SLC8A2: variants seen among roughly 807,000 people sequenced by gnomAD.
SLC8A2 encodes the protein solute carrier family 8 member A2, also known as sodium/calcium exchanger 2.
In SLC8A2, 14 loss-of-function variants were observed where a neutral mutation model predicts 70.2. That is an observed-to-expected ratio of 0.20 (90% confidence interval 0.13 to 0.31). The LOEUF (loss-of-function observed/expected upper bound fraction) is 0.31, where lower values mean the gene tolerates loss of function less well. Among genes scored for constraint, SLC8A2 ranks in the 10% least tolerant of loss-of-function variants. The pLI is 1.00. For missense variants in SLC8A2, 779 were observed against 1,320.1 expected (o/e 0.59, Z 6.35); for synonymous variants, 575 against 594.3 (o/e 0.97, Z 0.47).
At position 47,448,075 on chromosome 19, in the gene SLC8A2, G is replaced by A. The variant is rs757779635; in HGVS notation, c.1497C>T (p.Gly499=). Residue 499 remains glycine, a synonymous_variant, in exon 4 of 10, where the codon GGC becomes GGT. Transcript: ENST00000236877. This position sits in a 1 kb window ranked among gnomAD's most constrained non-coding sequence, Gnocchi z 4.8. ...DAQGMFEPDG[G]GRPKGRLVAP... ...CCACCAGCCGCCCCTTGGGCCGCCCGCCGCCGTCCGGCTCGAACATGCCCT... is the reference window on the plus strand; with the variant it reads ...CCACCAGCCGCCCCTTGGGCCGCCCACCGCCGTCCGGCTCGAACATGCCCT... 2.3e-5 allele frequency: 36 copies of A among 1,593,694 alleles called. No homozygotes were observed. Among genetic ancestry groups the A allele is most frequent in the Non-Finnish European group, 2.8e-5 (33 of 1,169,944 alleles).
At chr19:47,452,447 T>A (rs146530357) in intron 3 of SLC8A2, among the ~76,000 whole-genome samples, 838 of 55,788 alleles carry the variant, frequency 0.015, no homozygotes, top group East Asian at 0.042. Flanking sequence ...AGAGAGAGAG[T>A]GTGTGTGTGT....
chr19:47,445,594 C>T (rs1226317817), intron 4 of SLC8A2, among the ~76,000 whole-genome samples: 2 of 152,176 alleles, frequency 1.3e-5, no homozygotes, highest in African/African-American at 4.8e-5. Context: ...TGCTTCAAAG[C>T]GCCTCTAATT....
chr19:47,439,162 A>G (rs920293676), intron 6 of SLC8A2, among the ~76,000 whole-genome samples: 2 of 152,202 alleles, frequency 1.3e-5, no homozygotes, highest in Non-Finnish European at 2.9e-5. Flanking sequence ...TCCCTGGCAC[A>G]GTGGAGTCAC....
chr19:47,443,909 T>C (rs1160358226), intron 4 of SLC8A2, among the ~76,000 whole-genome samples: 1 of 152,142 alleles, frequency 6.6e-6, no homozygotes, highest in Non-Finnish European at 1.5e-5. Flanking sequence ...GCTCTCCCTT[T>C]TTTTGAAACA....
Position 47,456,925 on chromosome 19 carries a change from C to A in SLC8A2, c.1340+5G>T. The A allele has an allele frequency of 6.3e-7, 1 of 1,590,874 alleles. No homozygotes were observed. Among genetic ancestry groups the A allele is most frequent in the Non-Finnish European group, 8.6e-7 (1 of 1,168,766 alleles). ...CCTGCACACCCCCCACCCCGGGGGA[C>A]CCACCTGTACTCGTAGTCGGAGCCC... On this transcript the variant is annotated splice_donor_5th_base_variant and intron_variant, in intron 3 of 9. Coordinates refer to ENST00000236877, the MANE Select transcript of SLC8A2 (RefSeq NM_015063.3).
Position 47,429,540 on chromosome 19 carries a change from C to T in SLC8A2, c.*549G>A, listed in dbSNP as rs889722190. On this transcript the variant is annotated 3_prime_UTR_variant, in exon 10 of 10. Coordinates refer to ENST00000236877, the MANE Select transcript of SLC8A2 (RefSeq NM_015063.3). ...GGTGTGCGGCCTCCTTGCGCGCACA[C>T]CCACCCGCTCCTCCCCGCCGGGGCT... 1 of 154,904 alleles carries T rather than the reference C, an allele frequency of 6.5e-6. No individual in the cohort carries two copies. The highest frequency in any genetic ancestry group is 1.4e-5 in the Non-Finnish European group (1 of 69,674). 9.6% of individuals were successfully genotyped at this position (154,904 alleles called of 1,614,324 possible).
At chr19:47,462,586 CTTTTTTT>C (rs542630404) in intron 2 of SLC8A2, among the ~76,000 whole-genome samples, 9 of 117,424 alleles carry the variant, frequency 7.7e-5, no homozygotes, top group Non-Finnish European at 1.5e-4. Context: ...TTTTAAATTT[CTTTTTTT>C]TTTTTTTTTT....
In SLC8A2 at chr19:47,466,315, G is replaced by T. The variant is rs1448863646; in HGVS notation, c.89C>A (p.Pro30His). Residue 30 changes from proline to histidine, a missense_variant, in exon 2 of 10, where the codon CCT (proline) becomes CAT (histidine). By Grantham distance (77) the Pro-to-His change is moderately conservative. Transcript: ENST00000236877. This position sits in a 1 kb window ranked among gnomAD's most constrained non-coding sequence, Gnocchi z 6.9. Reference sequence around the variant, plus strand: ...GGTGTCGCTGTCATTGGCCGGGGGAGGCGGCAGGGAGGGGGTTGGGGTGGC... The same window carrying T: ...GGTGTCGCTGTCATTGGCCGGGGGATGCGGCAGGGAGGGGGTTGGGGTGGC... ...GAATPTPSLP[P>H]PPANDSDTST... 13 of 1,486,590 alleles carry T rather than the reference G, an allele frequency of 8.7e-6. No individual in the cohort carries two copies. The highest frequency in any genetic ancestry group is 1.2e-5 in the Non-Finnish European group (13 of 1,114,952). 92.1% of individuals were successfully genotyped at this position (1,486,590 alleles called of 1,614,324 possible).
chr19:47,467,685 T>C (rs1392486114), intron 1 of SLC8A2, among the ~76,000 whole-genome samples: 2 of 152,020 alleles, frequency 1.3e-5, no homozygotes, highest in African/African-American at 4.8e-5. Flanking sequence ...CCGTGTCTTA[T>C]CTGGGTTTCC....
In SLC8A2 at chr19:47,466,716, G is replaced by T. The variant is rs1017236570; in HGVS notation, c.-16-297C>A. On this transcript the variant is annotated intron_variant, in intron 1 of 9. Transcript: ENST00000236877. This position sits in a 1 kb window ranked among gnomAD's most constrained non-coding sequence, Gnocchi z 6.9. ...ACGTATCATGCAATTCAGCAGTTTT[G>T]TTCCTCGGTATGTGCCTGAGAAATA... is the stretch of plus-strand genomic sequence containing the variant. Among the ~76,000 whole-genome samples the T allele has an allele frequency of 1.3e-5, 2 of 152,126 alleles. No homozygotes were observed. The highest frequency in any genetic ancestry group is 1.3e-4 in the Admixed American group (2 of 15,278).
chr19:47,461,629 G>A (rs1568447245), intron 2 of SLC8A2, among the ~76,000 whole-genome samples: 1 of 152,238 alleles, frequency 6.6e-6, no homozygotes, highest in African/African-American at 2.4e-5. Context: ...GTCAAGACTT[G>A]CAAATAGTAA....
Position 47,430,209 on chromosome 19 carries a change from G to A in SLC8A2, c.2646C>T (p.Gly882=). 1.2e-6 allele frequency: 2 copies of A among 1,606,778 alleles called. No homozygotes were observed. The highest frequency in any genetic ancestry group is 1.7e-6 in the Non-Finnish European group (2 of 1,176,546). Residue 882 remains glycine, a synonymous_variant, in exon 10 of 10, where the codon GGC becomes GGT. Coordinates refer to ENST00000236877, the MANE Select transcript of SLC8A2 (RefSeq NM_015063.3). The surrounding 1 kb of genome is among the most constrained non-coding windows in gnomAD (Gnocchi z 5.9). ...GTCCGCGCGGGCCGCCCAGCTCGCC[G>A]CCGATGTGCGGCCGGCGCCGGTACA... ...VLLYRRRPHI[G]GELGGPRGPK... is the part of the protein sequence containing the mutation.
chr19:47,453,748 A>G (rs572849922), intron 3 of SLC8A2, among the ~76,000 whole-genome samples: 1 of 152,258 alleles, frequency 6.6e-6, no homozygotes, highest in East Asian at 1.9e-4. Context: ...AAAACATACC[A>G]AAACAACAAC....
In SLC8A2 at chr19:47,468,651, C is replaced by A. The variant is rs923453381; in HGVS notation, c.-16-2232G>T. ...CCCTTTCAGGTTTCCACTCTGATGT[C>A]AGCTTCCCCAAACACCCCATCCAAA... On this transcript the variant is annotated intron_variant, in intron 1 of 9. Transcript: ENST00000236877. The surrounding 1 kb of genome is among the most constrained non-coding windows in gnomAD (Gnocchi z 5.1). 6.6e-6 allele frequency among the ~76,000 whole-genome samples: 1 copy of A among 152,200 alleles called. No homozygotes were observed. The highest frequency in any genetic ancestry group is 1.5e-5 in the Non-Finnish European group (1 of 68,036).
chr19:47,459,251 T>G (rs1967357981), intron 2 of SLC8A2, among the ~76,000 whole-genome samples: 1 of 152,118 alleles, frequency 6.6e-6, no homozygotes, highest in African/African-American at 2.4e-5. Context: ...TCCATCGCTC[T>G]CTGCGTGTGC....
Position 47,430,003 on chromosome 19 carries a change from G to A in SLC8A2, c.*86C>T. 1 of 1,397,036 alleles carries A rather than the reference G, an allele frequency of 7.2e-7. No individual in the cohort carries two copies. Among genetic ancestry groups the A allele is most frequent in the Non-Finnish European group, 9.6e-7 (1 of 1,042,598 alleles). The allele number at this position is 1,397,036 out of a possible 1,614,324, so 86.5% of individuals were successfully genotyped here. A position where few individuals can be genotyped will look rare whatever the true frequency, so the allele number is the denominator to read the frequency against. ...CCCAGGAGAGGAGGCCGAGTCTGGG[G>A]GGAAAAGGAGACCAGGGTCCAAGAG... On this transcript the variant is annotated 3_prime_UTR_variant, in exon 10 of 10. Coordinates refer to ENST00000236877, the MANE Select transcript of SLC8A2 (RefSeq NM_015063.3). This position sits in a 1 kb window ranked among gnomAD's most constrained non-coding sequence, Gnocchi z 5.9.
chr19:47,452,115 G>A (rs1967241591), intron 3 of SLC8A2, among the ~76,000 whole-genome samples: 1 of 152,084 alleles, frequency 6.6e-6, no homozygotes, highest in South Asian at 2.1e-4. Flanking sequence ...TGATTAGGTA[G>A]GAGAATGCCA....
At chr19:47,456,286 G>C (rs1486925123) in intron 3 of SLC8A2, among the ~76,000 whole-genome samples, 1 of 152,238 alleles carries the variant, frequency 6.6e-6, no homozygotes, top group East Asian at 1.9e-4. Context: ...TGAATGCCTG[G>C]AGGCAGCACC....
chr19:47,459,477 TCTCC>T (rs770832453), intron 2 of SLC8A2, among the ~76,000 whole-genome samples: 10 of 152,108 alleles, frequency 6.6e-5, no homozygotes, highest in Admixed American at 4.6e-4. Context: ...CTTTTCTCTC[TCTCC>T]CTCCCTCTCT....
Sources: gnomAD v4.1 joint callset for allele counts (sites outside exome capture counted in the v4.1 genomes callset) on GRCh38, gnomAD v4.1.1 for gene constraint, Gnocchi (gnomAD v3.1) non-coding constraint, MANE v1.5 for transcripts, NCBI Gene and HGNC (gene_info 2026-07-23, HGNC 2026-07-21) for gene names.